The following LINC00305 variants were observed in gnomAD, a reference collection of about 807,000 sequenced individuals.
LINC00305 encodes the protein long independently transcribed non-coding RNA 305, also known as long intergenic non-protein coding RNA 305.
intron 1 of LINC00305, among the ~76,000 whole-genome samples, chr18:64,122,843 G>T (rs2051368176): frequency 6.6e-6 from 1 of 151,838 alleles, no homozygotes; most frequent in Non-Finnish European, 1.5e-5. Context: ...TTTTCCATTT[G>T]TTTGTTTTAT....
chr18:64,137,817 A>G (rs1483486239), intron 1 of LINC00305, among the ~76,000 whole-genome samples: 1 of 151,816 alleles, frequency 6.6e-6, no homozygotes, highest in Non-Finnish European at 1.5e-5. Flanking sequence ...TGAGAGTTAA[A>G]CACAAGCCAT....
chr18:64,113,534 C>T (rs1323310186), intron 1 of LINC00305, among the ~76,000 whole-genome samples: 1 of 152,198 alleles, frequency 6.6e-6, no homozygotes, highest in Admixed American at 6.5e-5. Flanking sequence ...ACTTATAAGA[C>T]TTACAAGACC....
chr18:64,086,130 TG>T (rs1176740828), intron 3 of LINC00305, among the ~76,000 whole-genome samples: 1 of 152,218 alleles, frequency 6.6e-6, no homozygotes, highest in African/African-American at 2.4e-5. Context: ...AGTTTGTCTA[TG>T]GGGAAGACTG....
rs1363944236 is a variant in LINC00305, at chr18:64,143,722, G to A, written n.314+5053C>T. ...GTACATGTATGTCCACATATTATGC[G>A]TACATGTATGTCCACATATTATGCG... On this transcript the variant is annotated intron_variant and non_coding_transcript_variant, in intron 1 of 3. Coordinates refer to ENST00000666468, the Ensembl canonical transcript of LINC00305. Among the ~76,000 whole-genome samples, 30 of 150,178 alleles carry A rather than the reference G, an allele frequency of 2.0e-4. No individual in the cohort carries two copies. The East Asian group carries it at 3.3e-3, about 17-fold the overall frequency.
In LINC00305 at chr18:64,094,856, A is replaced by AAAATAAATAAATAAATAAATAAATAAAT. The variant is rs754074493; in HGVS notation, n.540+2950_540+2977dup. On this transcript the variant is annotated intron_variant and non_coding_transcript_variant, in intron 3 of 3. Coordinates refer to ENST00000666468, the Ensembl canonical transcript of LINC00305. ...GGGACAGAGCAAGACTTCATCTCAAAAAATAAATAAATAAATAAATAAATA... is the reference window on the plus strand; with the variant it reads ...GGGACAGAGCAAGACTTCATCTCAAAAAATAAATAAATAAATAAATAAATAAATAAATAAATAAATAAATAAATAAATA... 8.2e-3 allele frequency among the ~76,000 whole-genome samples: 996 copies of AAAATAAATAAATAAATAAATAAATAAAT among 120,802 alleles called. 14 individuals carry two copies. Among genetic ancestry groups the AAAATAAATAAATAAATAAATAAATAAAT allele is most frequent in the African/African-American group, 0.025 (952 of 37,538 alleles). The allele number at this position is 120,802 out of a possible 152,430, so 79.3% of individuals were successfully genotyped here.
At chr18:64,120,516 G>A (rs1038795676) in intron 1 of LINC00305, among the ~76,000 whole-genome samples, 4 of 151,418 alleles carry the variant, frequency 2.6e-5, no homozygotes, top group Non-Finnish European at 4.4e-5. Flanking sequence ...ATTAGTCGTC[G>A]AAATTGTTGA....
intron 1 of LINC00305, among the ~76,000 whole-genome samples, chr18:64,133,120 G>A (rs2144270100): frequency 6.6e-6 from 1 of 152,294 alleles, no homozygotes; most frequent in Middle Eastern, 3.4e-3. Flanking sequence ...AAGCCTCAGA[G>A]GGAAGTCTCA....
intron 3 of LINC00305, among the ~76,000 whole-genome samples, chr18:64,084,313 G>A (rs142795739): frequency 7.2e-5 from 11 of 152,180 alleles, no homozygotes; most frequent in Admixed American, 1.3e-4. Flanking sequence ...TCATTAAGCT[G>A]TATGCAGTGA....
intron 1 of LINC00305, among the ~76,000 whole-genome samples, chr18:64,119,088 C>T (rs2051350516): frequency 6.6e-6 from 1 of 151,986 alleles, no homozygotes; most frequent in Admixed American, 6.6e-5. Flanking sequence ...TTCAAGACTA[C>T]ACAGTTTAGC....
intron 3 of LINC00305, among the ~76,000 whole-genome samples, chr18:64,089,168 T>G (rs1278012337): frequency 1.3e-5 from 2 of 152,148 alleles, no homozygotes; most frequent in Admixed American, 1.3e-4. Flanking sequence ...AGGGACCCGG[T>G]GGGAGGTGAT....
At chr18:64,121,355 C>T (rs565341664) in intron 1 of LINC00305, among the ~76,000 whole-genome samples, 7 of 152,070 alleles carry the variant, frequency 4.6e-5, no homozygotes, top group African/African-American at 1.7e-4. Context: ...GTCCCCTTAC[C>T]TTTTTGAGTC....
intron 1 of LINC00305, among the ~76,000 whole-genome samples, chr18:64,141,946 A>T (rs2051465509): frequency 6.6e-6 from 1 of 152,240 alleles, no homozygotes; most frequent in Admixed American, 6.5e-5. Flanking sequence ...TCTTGAAAAC[A>T]TGATCATTTC....
At chr18:64,147,001 C>A (rs777748071) in intron 1 of LINC00305, among the ~76,000 whole-genome samples, 1 of 152,130 alleles carries the variant, frequency 6.6e-6, no homozygotes, top group Non-Finnish European at 1.5e-5. Context: ...TTTTCTCATA[C>A]TACTTTCCCA....
chr18:64,113,058 T>C (rs2051322041), intron 1 of LINC00305, among the ~76,000 whole-genome samples: 1 of 152,240 alleles, frequency 6.6e-6, no homozygotes, highest in Admixed American at 6.5e-5. Flanking sequence ...TTGAGTATAT[T>C]GCAGAGTTTG....
chr18:64,128,980 T>A (rs1021836753), intron 1 of LINC00305, among the ~76,000 whole-genome samples: 3 of 152,172 alleles, frequency 2.0e-5, no homozygotes, highest in African/African-American at 7.2e-5. Context: ...ATTGTAAAAA[T>A]ACTTTTTTAT....
chr18:64,145,797 G>A (rs574519035), intron 1 of LINC00305, among the ~76,000 whole-genome samples: 285 of 152,242 alleles, frequency 1.9e-3, no homozygotes, highest in Middle Eastern at 0.017. Context: ...AATTAATGAA[G>A]TCTCTGGGTT....
intron 1 of LINC00305, among the ~76,000 whole-genome samples, chr18:64,110,067 A>G (rs1027736002): frequency 6.6e-6 from 1 of 152,148 alleles, no homozygotes; most frequent in East Asian, 1.9e-4. Flanking sequence ...CATGGAAGCC[A>G]AAAGATTGGA....
intron 3 of LINC00305, among the ~76,000 whole-genome samples, chr18:64,096,339 T>G (rs1190832762): frequency 6.6e-6 from 1 of 151,836 alleles, no homozygotes; most frequent in South Asian, 2.1e-4. Flanking sequence ...GGCAAAATGG[T>G]TCTAAAATGT....
intron 1 of LINC00305, among the ~76,000 whole-genome samples, chr18:64,108,988 G>A (rs1031057151): frequency 1.3e-5 from 2 of 152,300 alleles, no homozygotes; most frequent in East Asian, 3.9e-4. Context: ...GGAGGAGAAA[G>A]CTCTGCCTAA....
Sources: allele counts gnomAD v4.1 joint callset (sites outside exome capture counted in the v4.1 genomes callset), GRCh38; gene constraint gnomAD v4.1.1; transcripts MANE v1.5; gene names NCBI Gene and HGNC (gene_info 2026-07-23, HGNC 2026-07-21).